Variants in THSD4 observed in about 807,000 individuals in gnomAD.
The protein encoded by THSD4 is thrombospondin type-1 domain-containing protein 4.
THSD4 carries 69 observed loss-of-function variants against 119.0 expected under a neutral mutation model. The ratio of observed to expected loss-of-function variants is 0.58; its 90% CI spans 0.48 to 0.71. The LOEUF is 0.71. THSD4 is among the 30% of genes least tolerant of loss of function. The pLI, the probability that THSD4 is intolerant of heterozygous loss-of-function variation, is 0.00. For missense variants in THSD4, 1,393 were observed against 1,391.1 expected, an observed-to-expected ratio of 1.00 and a Z score of -0.02; for synonymous variants, 524 against 540.4, an observed-to-expected ratio of 0.97 and a Z score of 0.42.
Position 71,737,832 on chromosome 15 carries a change from C to T in THSD4, c.1731C>T (p.Ala577=). 4 of 1,614,220 alleles carry T rather than the reference C, an allele frequency of 2.5e-6. No individual in the cohort carries two copies. Among genetic ancestry groups the T allele is most frequent in the Non-Finnish European group, 3.4e-6 (4 of 1,180,034 alleles). ...AGAAGGAAGACTTGCGTGGGGAGGC[C>T]CCTGAGATGTTCACCTCAGAATCGG... ...NEEKEDLRGE[A]PEMFTSESAQ... The change falls in exon 11 of 18, where the codon GCC becomes GCT. Residue 577 remains alanine, a synonymous_variant. Coordinates refer to ENST00000261862, the MANE Select transcript of THSD4 (RefSeq NM_024817.3).
rs1374917745 is a variant in THSD4 at position 71,521,932 on chromosome 15, G to A, written c.1152+110109G>A. 2.0e-5 allele frequency among the ~76,000 whole-genome samples: 3 copies of A among 152,290 alleles called. No individual in the cohort carries two copies. In the East Asian group the frequency reaches 5.8e-4, roughly 29 times the overall value. The stretch of plus-strand genomic sequence containing the variant: ...AATTATTAGAAAAATTGGTGGTGAG[G>A]GGCAAATACAGCCACCTGTGTGGTG... On this transcript the variant is annotated intron_variant, in intron 7 of 17. Transcript: ENST00000261862.
intron 16 of THSD4, among the ~76,000 whole-genome samples, chr15:71,768,589 CAA>C (rs1223301813): frequency 1.1e-5 from 1 of 88,322 alleles, no homozygotes; most frequent in Non-Finnish European, 2.2e-5. Context: ...TTTTTTGAGA[CAA>C]AGTCTCACTC....
chr15:71,561,420 C>T (rs1432954213), intron 7 of THSD4, among the ~76,000 whole-genome samples: 1 of 152,076 alleles, frequency 6.6e-6, no homozygotes, highest in Non-Finnish European at 1.5e-5. Context: ...TCTCTCAAGC[C>T]TAATGGAGAA....
At chr15:71,238,204 C>A (rs2044122697) in intron 4 of THSD4, among the ~76,000 whole-genome samples, 2 of 152,182 alleles carry the variant, frequency 1.3e-5, no homozygotes, top group East Asian at 1.9e-4. Flanking sequence ...TGAAACAAAT[C>A]ATTAAAAATT....
At chr15:71,128,185 A>G (rs1263800951) in intron 1 of THSD4, among the ~76,000 whole-genome samples, 3 of 151,984 alleles carry the variant, frequency 2.0e-5, no homozygotes, top group Non-Finnish European at 4.4e-5. Context: ...AAATTACCCA[A>G]CCTGAGCAAC....
At chr15:71,221,164 C>T (rs565926423) in intron 4 of THSD4, among the ~76,000 whole-genome samples, 23 of 152,110 alleles carry the variant, frequency 1.5e-4, no homozygotes, top group Non-Finnish European at 2.9e-4. Flanking sequence ...GAGACTTCCC[C>T]CTCAGTTTCT....
At chr15:71,468,080 C>T (rs891833346) in intron 7 of THSD4, among the ~76,000 whole-genome samples, 1 of 152,098 alleles carries the variant, frequency 6.6e-6, no homozygotes, top group African/African-American at 2.4e-5. Flanking sequence ...AACTGCTGAC[C>T]TCAGGTGATC....
chr15:71,340,947 C>T (rs1421842550), intron 6 of THSD4, among the ~76,000 whole-genome samples: 6 of 152,180 alleles, frequency 3.9e-5, no homozygotes, highest in Non-Finnish European at 8.8e-5. Flanking sequence ...CTTATGAAAA[C>T]GGGTTGGGAG....
intron 7 of THSD4, among the ~76,000 whole-genome samples, chr15:71,533,193 C>T (rs1467922020): frequency 7.2e-5 from 11 of 152,178 alleles, no homozygotes; most frequent in Non-Finnish European, 1.5e-4. Context: ...AAATAAACTT[C>T]GTTACTCCTT....
chr15:71,479,805 A>T (rs140053499), intron 7 of THSD4, among the ~76,000 whole-genome samples: 2 of 152,300 alleles, frequency 1.3e-5, no homozygotes, highest in Non-Finnish European at 2.9e-5. Context: ...TAACTTTATT[A>T]TTTTCATTTG....
At chr15:71,674,751 C>T (rs565011574) in intron 8 of THSD4, among the ~76,000 whole-genome samples, 1 of 152,248 alleles carries the variant, frequency 6.6e-6, no homozygotes, top group South Asian at 2.1e-4. Context: ...TCGATTGTTA[C>T]AGTGAGGGCA....
intron 7 of THSD4, among the ~76,000 whole-genome samples, chr15:71,629,520 T>C (rs959876828): frequency 1.3e-5 from 2 of 152,132 alleles, no homozygotes; most frequent in Non-Finnish European, 2.9e-5. Flanking sequence ...GCCCTAACTA[T>C]CCCAGCTAAA....
Position 71,306,307 on chromosome 15 carries a change from C to CA in THSD4, c.1015+49623dup, listed in dbSNP as rs67260180. On this transcript the variant is annotated intron_variant, in intron 6 of 17. Coordinates refer to ENST00000261862, the MANE Select transcript of THSD4 (RefSeq NM_024817.3). ...GGTGATAAGAGCAAGACTCTTGCCT[C>CA]AAAAAAAAAAAAAAAAAAAAAAAAA... is the stretch of plus-strand genomic sequence containing the variant. Among the ~76,000 whole-genome samples, 154 of 62,934 alleles carry CA rather than the reference C, an allele frequency of 2.4e-3. 1 individual carries two copies. The highest frequency in any genetic ancestry group is 9.4e-3 in the African/African-American group (142 of 15,064). 41.3% of individuals were successfully genotyped at this position (62,934 alleles called of 152,430 possible).
intron 14 of THSD4, among the ~76,000 whole-genome samples, chr15:71,753,598 C>G (rs1351582998): frequency 6.6e-6 from 1 of 152,184 alleles, no homozygotes; most frequent in Non-Finnish European, 1.5e-5. Flanking sequence ...CCCAGAAGTT[C>G]AATTACGAGT....
At chr15:71,776,716 C>A (rs1383593967) in intron 17 of THSD4, among the ~76,000 whole-genome samples, 1 of 152,090 alleles carries the variant, frequency 6.6e-6, no homozygotes, top group Non-Finnish European at 1.5e-5. Context: ...TAATGTCCAA[C>A]TTAAATGTCC....
intron 7 of THSD4, among the ~76,000 whole-genome samples, chr15:71,575,542 C>A (rs1398445307): frequency 1.3e-5 from 2 of 152,134 alleles, no homozygotes; most frequent in African/African-American, 4.8e-5. Flanking sequence ...GAAATCGGGA[C>A]ATTTTGTTTC....
chr15:71,640,671 T>C (rs1203729085), intron 7 of THSD4, among the ~76,000 whole-genome samples: 1 of 152,188 alleles, frequency 6.6e-6, no homozygotes, highest in Non-Finnish European at 1.5e-5. Context: ...TTTCTTCTTA[T>C]TTTAAGTGTA....
intron 6 of THSD4, among the ~76,000 whole-genome samples, chr15:71,405,526 C>T (rs542903278): frequency 9.2e-5 from 14 of 152,198 alleles, no homozygotes; most frequent in Non-Finnish European, 1.9e-4. Flanking sequence ...TATCTAGACT[C>T]TTAAGTTCTA....
At chr15:71,261,769 C>A (rs572162481) in intron 6 of THSD4, among the ~76,000 whole-genome samples, 1 of 152,268 alleles carries the variant, frequency 6.6e-6, no homozygotes, top group East Asian at 1.9e-4. Context: ...TAATTAGCAT[C>A]CTAATGTGGA....
Sources: gnomAD v4.1 joint callset for allele counts (sites outside exome capture counted in the v4.1 genomes callset) on GRCh38, gnomAD v4.1.1 for gene constraint, MANE v1.5 for transcripts, NCBI Gene and HGNC (gene_info 2026-07-23, HGNC 2026-07-21) for gene names.